Variants in CDHR2 observed in about 807,000 individuals in gnomAD.
CDHR2 encodes the protein cadherin related family member 2, also known as cadherin-related family member 2.
A neutral mutation model predicts 138.6 loss-of-function variants in CDHR2; 104 were observed. That is an observed-to-expected ratio of 0.75 (90% CI 0.64 to 0.88). The LOEUF (loss-of-function observed/expected upper bound fraction) is 0.88, where lower values mean the gene tolerates loss of function less well. Ranked by LOEUF, CDHR2 falls within the 40% of genes least tolerant of loss-of-function variation. The pLI, the probability that CDHR2 is intolerant of heterozygous loss-of-function variation, is 0.00. For synonymous variants in CDHR2, 755 were observed against 742.8 expected (o/e 1.02, Z -0.27); for missense variants, 1,624 against 1,727.6 (o/e 0.94, Z 1.06).
chr5:176,549,193 G>C (rs1419647995), upstream of CDHR2, among the ~76,000 whole-genome samples: 1 of 152,204 alleles, frequency 6.6e-6, no homozygotes, highest in Non-Finnish European at 1.5e-5. Context: ...CTGGCGCCTT[G>C]GTCCCTTCCT....
intron 30 of CDHR2, among the ~76,000 whole-genome samples, chr5:176,592,096 ATGG>A (rs1329650566): frequency 1.8e-4 from 8 of 44,670 alleles, no homozygotes; most frequent in African/African-American, 2.4e-4. Context: ...GGTGGTGGTG[ATGG>A]TGGTGGTGAT....
intron 16 of CDHR2, 36 bp from the exon 17 acceptor site, chr5:176,581,307 C>G (rs761708495): frequency 6.2e-7 from 1 of 1,606,420 alleles, no homozygotes; most frequent in African/African-American, 1.3e-5. Context: ...CTGGGAATGC[C>G]GATGGCCGAT....
Position 176,554,691 on chromosome 5 carries a change from C to T in CDHR2, c.-16+5277C>T, listed in dbSNP as rs145787988. Among the ~76,000 whole-genome samples the T allele has an allele frequency of 3.0e-3, 462 of 152,270 alleles. 2 individuals carry two copies. Among genetic ancestry groups the T allele is most frequent in the African/African-American group, 0.011 (441 of 41,542 alleles). On this transcript the variant is annotated intron_variant, in intron 1 of 31. Transcript: ENST00000261944. The stretch of plus-strand genomic sequence containing the variant: ...TTGTTTTGTTTTGGAGACAGTGTCT[C>T]GCTCTGTCTCCCAGGCTGGAGTGCA...
chr5:176,567,868 C>T (rs1416330467), intron 3 of CDHR2, among the ~76,000 whole-genome samples: 1 of 152,224 alleles, frequency 6.6e-6, no homozygotes, highest in African/African-American at 2.4e-5. Context: ...AGGCTCAAGC[C>T]ATCCCCCATC....
In CDHR2 at chr5:176,589,632, C is replaced by G. The variant is rs1758791578; in HGVS notation, c.3206+16C>G. ...CGATTAATGCGTAGGTCTGGGGAGC[C>G]CCGGAGGGAGGGGTAGGAAGAACAG... On this transcript the variant is annotated intron_variant, in intron 24 of 31. Coordinates refer to ENST00000261944, the MANE Select transcript of CDHR2 (RefSeq NM_017675.6). The G allele has an allele frequency of 6.2e-7, 1 of 1,612,178 alleles. No homozygotes were observed. The highest frequency in any genetic ancestry group is 8.5e-7 in the Non-Finnish European group (1 of 1,178,544).
At chr5:176,554,349 G>A (rs772941187) in intron 1 of CDHR2, among the ~76,000 whole-genome samples, 1 of 152,212 alleles carries the variant, frequency 6.6e-6, no homozygotes, top group African/African-American at 2.4e-5. Flanking sequence ...GGGAGGAGCA[G>A]CCATAAGGTG....
At chr5:176,565,501 C>G in intron 2 of CDHR2, 97 bp downstream of exon 2, 3 of 1,333,062 alleles carry the variant, frequency 2.3e-6, no homozygotes, top group Non-Finnish European at 3.2e-6. Flanking sequence ...CAAACACCAG[C>G]TCCTATGGGC....
At chr5:176,558,079 T>C (rs904477076) in intron 1 of CDHR2, among the ~76,000 whole-genome samples, 1 of 152,026 alleles carries the variant, frequency 6.6e-6, no homozygotes, top group African/African-American at 2.4e-5. Context: ...CCAGCGCGCA[T>C]GGTAAGGTTG....
At chr5:176,574,991 G>A (rs529412067) in intron 7 of CDHR2, 93 bp from the exon 8 acceptor site, 10 of 1,486,728 alleles carry the variant, frequency 6.7e-6, no homozygotes, top group Non-Finnish European at 9.2e-6. Context: ...ACTGGTCAGT[G>A]GCAGAGCTGG....
chr5:176,573,417 A>G (rs1758279725), intron 6 of CDHR2, among the ~76,000 whole-genome samples: 1 of 151,966 alleles, frequency 6.6e-6, no homozygotes, highest in South Asian at 2.1e-4. Flanking sequence ...AGGCGGGTGG[A>G]TCACCTGAGG....
At chr5:176,588,508 A>AGG (rs1758736515) in intron 21 of CDHR2, among the ~76,000 whole-genome samples, 1 of 145,604 alleles carries the variant, frequency 6.9e-6, no homozygotes, top group African/African-American at 2.6e-5. Flanking sequence ...GGTGTGTATG[A>AGG]GTGTGTGCAT....
At chr5:176,586,657 G>A (rs777316355) in intron 20 of CDHR2, 136 bp from the exon 21 acceptor site, 50 of 716,568 alleles carry the variant, frequency 7.0e-5, no homozygotes, top group Non-Finnish European at 1.1e-4. Context: ...AGTGGTGGCT[G>A]TAATAGGGGT....
At chr5:176,593,336 C>T (rs952813926) in intron 31 of CDHR2, among the ~76,000 whole-genome samples, 1 of 152,216 alleles carries the variant, frequency 6.6e-6, no homozygotes, top group Non-Finnish European at 1.5e-5. Context: ...CCAGGTCACA[C>T]CCAGGTCCAT....
At chr5:176,555,645 G>A (rs910511240) in intron 1 of CDHR2, among the ~76,000 whole-genome samples, 1 of 152,168 alleles carries the variant, frequency 6.6e-6, no homozygotes, top group Non-Finnish European at 1.5e-5. Context: ...GATGGCTCAC[G>A]CCTGTAATCC....
rs778169607 is a variant in CDHR2 at position 176,595,574 on chromosome 5, C to T, written c.3835C>T (p.Pro1279Ser). The change falls in exon 32 of 32, where the codon CCC becomes TCC. Residue 1279 changes from proline (P) to serine (S), a missense_variant. Physicochemically the swap from Pro to Ser is moderately conservative, Grantham distance 74. Around this residue, in one of 3 missense-constraint regions of CDHR2, gnomAD observed 556 missense variants for 565.7 expected, o/e 0.98. Coordinates refer to ENST00000261944, the MANE Select transcript of CDHR2 (RefSeq NM_017675.6). ...CACACCACCAGAGCCAGATCCAGAG[C>T]CCCTGAGCGTGGTCCTGTTAGGACG... is the stretch of plus-strand genomic sequence containing the variant. ...PHTPPEPDPE[P>S]LSVVLLGRQA... 6.2e-7 allele frequency: 1 copy of T among 1,612,516 alleles called. No homozygotes were observed. The highest frequency in any genetic ancestry group is 8.5e-7 in the Non-Finnish European group (1 of 1,179,164).
chr5:176,594,080 C>T lies in CDHR2; in HGVS notation c.3792+1300C>T, dbSNP rs1039758637. Among the ~76,000 whole-genome samples, 12 of 152,130 alleles carry T rather than the reference C, an allele frequency of 7.9e-5. 1 individual carries two copies. The highest frequency in any genetic ancestry group is 1.5e-4 in the Non-Finnish European group (10 of 68,018). On this transcript the variant is annotated intron_variant, in intron 31 of 31. Coordinates refer to ENST00000261944, the MANE Select transcript of CDHR2 (RefSeq NM_017675.6). Reference sequence around the variant, plus strand: ...TAACCCAAGGGAGTGGAGTTAAGGACCCCCTGAGGTGTGGCTGGATCTGTG... The same window carrying T: ...TAACCCAAGGGAGTGGAGTTAAGGATCCCCTGAGGTGTGGCTGGATCTGTG...
At chr5:176,563,621 C>T (rs1758018574) in intron 1 of CDHR2, among the ~76,000 whole-genome samples, 1 of 152,142 alleles carries the variant, frequency 6.6e-6, no homozygotes, top group South Asian at 2.1e-4. Context: ...TCTATTCTTT[C>T]AGTCCTGCGA....
intron 1 of CDHR2, among the ~76,000 whole-genome samples, chr5:176,554,753 C>T (rs558946462): frequency 1.6e-3 from 244 of 152,326 alleles, no homozygotes; most frequent in African/African-American, 4.1e-3. Context: ...CTCCACCTCC[C>T]GGGTTCACAC....
upstream of CDHR2, among the ~76,000 whole-genome samples, chr5:176,548,517 A>G (rs1004102046): frequency 1.3e-5 from 2 of 152,172 alleles, no homozygotes; most frequent in Non-Finnish European, 2.9e-5. Flanking sequence ...AGGCAGGCGG[A>G]TCGCCTGAGG....
Sources: gnomAD v4.1 joint callset for allele counts (sites outside exome capture counted in the v4.1 genomes callset) on GRCh38, gnomAD v4.1.1 for gene constraint, gnomAD v4.1.1 regional missense constraint, MANE v1.5 for transcripts, NCBI Gene and HGNC (gene_info 2026-07-23, HGNC 2026-07-21) for gene names.